The following OPHN1 variants were observed in gnomAD, a reference collection of about 807,000 sequenced individuals.
The protein encoded by OPHN1 is oligophrenin-1.
Under a neutral mutation model 60.7 loss-of-function variants are expected in OPHN1, and 11 were observed. The observed-to-expected ratio is 0.18, with a 90% confidence interval of 0.11 to 0.30. The LOEUF is 0.30. Ranked by LOEUF, OPHN1 falls within the 10% of genes least tolerant of loss-of-function variation. The probability of loss-of-function intolerance (pLI) is 1.00; values close to 1 mark genes in which losing one functional copy is unlikely to be tolerated. For missense variants in OPHN1, 449 were observed against 611.0 expected (o/e 0.73, Z 2.80); for synonymous variants, 226 against 222.6 (o/e 1.02, Z -0.14).
chrX:68,431,663 G>A (rs1202726229), intron 2 of OPHN1, among the ~76,000 whole-genome samples: 1 of 107,851 alleles, frequency 9.3e-6, no homozygotes, highest in African/African-American at 3.4e-5. Flanking sequence ...CCTGATCTCA[G>A]GTGATTCACC....
chrX:68,160,037 A>G (rs2077327416), intron 15 of OPHN1, among the ~76,000 whole-genome samples: 1 of 110,212 alleles, frequency 9.1e-6, no homozygotes, highest in South Asian at 3.9e-4. Context: ...TTTCTATAGC[A>G]AACACATGTT....
At chrX:68,264,012 T>C (rs2077908430) in intron 5 of OPHN1, among the ~76,000 whole-genome samples, 1 of 111,747 alleles carries the variant, frequency 8.9e-6, no homozygotes. Flanking sequence ...TTAATTACCC[T>C]CAGAATCTCA....
chrX:68,322,453 C>T (rs2078240030), intron 2 of OPHN1, among the ~76,000 whole-genome samples: 1 of 111,812 alleles, frequency 8.9e-6, no homozygotes, highest in Admixed American at 9.6e-5. Flanking sequence ...AATAGTTAAA[C>T]AAGCTATGAT....
chrX:68,350,852 T>C (rs2078407007), intron 2 of OPHN1, among the ~76,000 whole-genome samples: 1 of 110,952 alleles, frequency 9.0e-6, no homozygotes, highest in South Asian at 3.9e-4. Context: ...TACTAGGGCA[T>C]AGAGCTGCCT....
At chrX:68,321,325 G>A (rs767742137) in intron 2 of OPHN1, among the ~76,000 whole-genome samples, 1 of 111,825 alleles carries the variant, frequency 8.9e-6, no homozygotes, top group Admixed American at 9.5e-5. Flanking sequence ...CAGGAAACCT[G>A]CTCAAAGACC....
chrX:68,069,382 C>T (rs1047817474), intron 20 of OPHN1, among the ~76,000 whole-genome samples: 1 of 111,586 alleles, frequency 9.0e-6, no homozygotes, highest in Non-Finnish European at 1.9e-5. Context: ...TGTAAATAAA[C>T]AAACCCATTC....
chrX:68,359,225 AT>A (rs765131300), intron 2 of OPHN1, among the ~76,000 whole-genome samples: 6 of 111,706 alleles, frequency 5.4e-5, no homozygotes, highest in East Asian at 5.6e-4. Flanking sequence ...AATTTTTAAT[AT>A]TTTTTAATAG....
intron 18 of OPHN1, among the ~76,000 whole-genome samples, chrX:68,105,210 G>A (rs754668070): frequency 3.6e-5 from 4 of 110,243 alleles, no homozygotes; most frequent in Non-Finnish European, 5.7e-5. Context: ...CTGTCGGTGG[G>A]AGCATAAATT....
intron 5 of OPHN1, among the ~76,000 whole-genome samples, chrX:68,245,171 A>G (rs1193973331): frequency 9.0e-6 from 1 of 111,234 alleles, no homozygotes; most frequent in African/African-American, 3.3e-5. Flanking sequence ...ACACCCCTAA[A>G]TGAGATCCCA....
chrX:68,105,204 C>T lies in OPHN1; in HGVS notation c.1526+6650G>A, dbSNP rs1364449849. ...AGAAATATGAATGCTTTTACTCTGT[C>T]GGTGGGAGCATAAATTAATTCAACC... On this transcript the variant is annotated intron_variant, in intron 18 of 24. Coordinates refer to ENST00000355520, the MANE Select transcript of OPHN1 (RefSeq NM_002547.3). Among the ~76,000 whole-genome samples, 6 of 110,211 alleles carry T rather than the reference C, an allele frequency of 5.4e-5. No individual in the cohort carries two copies. The East Asian group carries it at 1.4e-3, about 26-fold the overall frequency.
chrX:68,161,044 T>G (rs1235993099), intron 15 of OPHN1, among the ~76,000 whole-genome samples: 2 of 110,468 alleles, frequency 1.8e-5, no homozygotes, highest in Non-Finnish European at 1.9e-5. Context: ...CTCAAATTAG[T>G]AAAATCAGGA....
chrX:68,333,961 C>T (rs1454993913), intron 2 of OPHN1, among the ~76,000 whole-genome samples: 2 of 104,649 alleles, frequency 1.9e-5, no homozygotes, highest in Non-Finnish European at 3.9e-5. Context: ...TGCAGTGCAT[C>T]ATCTCGGCTC....
At chrX:68,073,743 C>T (rs1405217905) in intron 19 of OPHN1, among the ~76,000 whole-genome samples, 1 of 111,533 alleles carries the variant, frequency 9.0e-6, no homozygotes, top group Non-Finnish European at 1.9e-5. Flanking sequence ...AGACTAAACA[C>T]AATTACATGC....
chrX:68,299,462 C>T (rs747160242), intron 2 of OPHN1, among the ~76,000 whole-genome samples: 14 of 111,812 alleles, frequency 1.3e-4, no homozygotes, highest in Non-Finnish European at 1.9e-5. Flanking sequence ...GGGCAATACA[C>T]TAGATGCTTT....
intron 3 of OPHN1, among the ~76,000 whole-genome samples, chrX:68,290,826 G>C (rs1226937013): frequency 1.8e-5 from 2 of 109,632 alleles, no homozygotes; most frequent in Non-Finnish European, 3.8e-5. Context: ...GTGATCCTGG[G>C]CAAGTTTCTT....
At chrX:68,227,932 C>CACAAAAAAAAACCT (rs1435164091) in intron 6 of OPHN1, among the ~76,000 whole-genome samples, 3 of 108,870 alleles carry the variant, frequency 2.8e-5, no homozygotes, top group Non-Finnish European at 5.7e-5. Context: ...AGATAAGAGA[C>CACAAAAAAAAACCT]ACAAAAAAAA....
At chrX:68,367,472 C>CA (rs2078505519) in intron 2 of OPHN1, among the ~76,000 whole-genome samples, 1 of 110,626 alleles carries the variant, frequency 9.0e-6, no homozygotes, top group South Asian at 3.8e-4. Flanking sequence ...CAGGTCACCT[C>CA]AAAATGGTAG....
At chrX:68,217,234 G>C (rs188516498) in intron 6 of OPHN1, among the ~76,000 whole-genome samples, 2,578 of 111,995 alleles carry the variant, frequency 0.023, 67 homozygotes, top group African/African-American at 0.079. Context: ...CTTAAAAAAC[G>C]GAGCACCACG....
At chrX:68,258,085 C>T (rs756612989) in intron 5 of OPHN1, among the ~76,000 whole-genome samples, 36 of 109,401 alleles carry the variant, frequency 3.3e-4, no homozygotes, top group Middle Eastern at 4.7e-3. Flanking sequence ...AGTGTCTCTC[C>T]GCTCTTTGAT....
Sources: allele counts gnomAD v4.1 joint callset (sites outside exome capture counted in the v4.1 genomes callset), GRCh38; gene constraint gnomAD v4.1.1; transcripts MANE v1.5; gene names NCBI Gene and HGNC (gene_info 2026-07-23, HGNC 2026-07-21).